CACNB1: variants seen among roughly 807,000 people sequenced by gnomAD.
CACNB1 encodes the protein calcium voltage-gated channel auxiliary subunit beta 1, also known as voltage-dependent L-type calcium channel subunit beta-1.
CACNB1 carries 29 observed loss-of-function variants against 71.6 expected under a neutral mutation model. The ratio of observed to expected loss-of-function variants is 0.40; its 90% CI spans 0.30 to 0.55. CACNB1 has a LOEUF of 0.55. CACNB1 is among the 20% of genes least tolerant of loss of function. The probability of loss-of-function intolerance (pLI) is 0.38; values close to 1 mark genes in which losing one functional copy is unlikely to be tolerated. For missense variants in CACNB1, 623 were observed against 801.8 expected (o/e 0.78, Z 2.69); for synonymous variants, 300 against 319.6 (o/e 0.94, Z 0.65).
At chr17:39,196,206 G>C (rs1005739804) in intron 1 of CACNB1, among the ~76,000 whole-genome samples, 2 of 152,066 alleles carry the variant, frequency 1.3e-5, no homozygotes, top group African/African-American at 4.8e-5. Context: ...GGGAGAGGAG[G>C]GCCCCTGGGG....
rs1419267071 is a variant in CACNB1 at position 39,186,616 on chromosome 17, G to A, written c.552-44C>T. ...ACCGAGCTTGTGAGCAAAGAGGTGG[G>A]CGTGGGGGGCTCTCATCCTCTCACA... On this transcript the variant is annotated intron_variant, in intron 5 of 13. Transcript: ENST00000394303. The surrounding 1 kb of genome is among the most constrained non-coding windows in gnomAD (Gnocchi z 4.1). The A allele has an allele frequency of 1.3e-6, 2 of 1,563,142 alleles. No homozygotes were observed. The highest frequency in any genetic ancestry group is 2.2e-5 in the East Asian group (1 of 44,584).
chr17:39,188,940 G>A (rs1597709196), intron 3 of CACNB1, among the ~76,000 whole-genome samples: 1 of 152,198 alleles, frequency 6.6e-6, no homozygotes, highest in Admixed American at 6.5e-5. Context: ...CTACTTGGGA[G>A]GCTGAGGCAG....
chr17:39,187,381 C>G, intron 4 of CACNB1, 98 bp downstream of exon 4: 1 of 1,396,230 alleles, frequency 7.2e-7, no homozygotes, highest in Non-Finnish European at 1.0e-6. Flanking sequence ...ACAGCAGATT[C>G]AGCCTGGCTC....
intron 1 of CACNB1, among the ~76,000 whole-genome samples, chr17:39,195,725 G>C (rs1027290540): frequency 2.6e-5 from 4 of 152,138 alleles, no homozygotes; most frequent in Non-Finnish European, 5.9e-5. Flanking sequence ...TCCTCCCCAA[G>C]GGGGCAAGAG....
At chr17:39,190,458 C>T (rs1422596849) in intron 3 of CACNB1, among the ~76,000 whole-genome samples, 4 of 152,056 alleles carry the variant, frequency 2.6e-5, no homozygotes, top group Admixed American at 6.6e-5. Flanking sequence ...GACAGAGTCT[C>T]GCTCTGTCAC....
At chr17:39,177,231 G>A (rs1001908701) in intron 13 of CACNB1, 119 bp downstream of exon 13, 8 of 1,565,688 alleles carry the variant, frequency 5.1e-6, no homozygotes, top group Admixed American at 1.8e-5. Flanking sequence ...GAGGGAAGAC[G>A]GGCAGGGCGC....
Position 39,188,537 on chromosome 17 carries a change from A to G in CACNB1, c.292-936T>C, listed in dbSNP as rs560447652. On this transcript the variant is annotated intron_variant, in intron 3 of 13. Transcript: ENST00000394303. ...TGCAGTGAGCCGAGATCATGCCACTATACTCCAGCATGGATGACAGAGTGA... is the reference window on the plus strand; with the variant it reads ...TGCAGTGAGCCGAGATCATGCCACTGTACTCCAGCATGGATGACAGAGTGA... Among the ~76,000 whole-genome samples the G allele has an allele frequency of 6.6e-5, 10 of 152,118 alleles. No individual in the cohort carries two copies. In the South Asian group the frequency reaches 1.7e-3, roughly 25 times the overall value.
intron 1 of CACNB1, 104 bp from the exon 2 acceptor site, chr17:39,195,074 C>A: frequency 1.4e-6 from 1 of 733,784 alleles, no homozygotes. Context: ...ACAGCACTCC[C>A]AGCCCCACCT....
rs2045936605 is a variant in CACNB1 at position 39,186,240 on chromosome 17, G to A, written c.628+256C>T. 6.8e-6 allele frequency: 5 copies of A among 732,372 alleles called. No individual in the cohort carries two copies. The highest frequency in any genetic ancestry group is 1.8e-5 in the African/African-American group (1 of 56,808). 45.4% of individuals were successfully genotyped at this position (732,372 alleles called of 1,614,324 possible). A position where few individuals can be genotyped will look rare whatever the true frequency, so the allele number is the denominator to read the frequency against. ...AAAGAAGAAGAGGTGAATGGAACAG[G>A]GCTGGGAGAAATGAATGGGGGCAGG... is the stretch of plus-strand genomic sequence containing the variant. On this transcript the variant is annotated intron_variant, in intron 6 of 13. Transcript: ENST00000394303. The surrounding 1 kb of genome is among the most constrained non-coding windows in gnomAD (Gnocchi z 4.1).
chr17:39,180,650 G>A (rs1165536721), intron 11 of CACNB1, among the ~76,000 whole-genome samples: 16 of 144,182 alleles, frequency 1.1e-4, no homozygotes, highest in Non-Finnish European at 1.9e-4. Flanking sequence ...GCGAGACTTC[G>A]TCCCCCCTCA....
At chr17:39,197,300 C>G (rs1223424164) in intron 1 of CACNB1, 112 bp downstream of exon 1, 2 of 620,306 alleles carry the variant, frequency 3.2e-6, no homozygotes, top group African/African-American at 3.9e-5. Flanking sequence ...AGGCATCCCT[C>G]TCTCCTCCGC....
chr17:39,183,755 C>A lies in CACNB1; in HGVS notation c.1008G>T (p.Ser336=), dbSNP rs532308568. The A allele has an allele frequency of 6.2e-7, 1 of 1,612,830 alleles. No individual in the cohort carries two copies. Among genetic ancestry groups the A allele is most frequent in the Non-Finnish European group, 8.5e-7 (1 of 1,179,440 alleles). Residue 336 remains serine, a synonymous_variant, in exon 11 of 14, where the codon TCG becomes TCT. Coordinates refer to ENST00000394303, the MANE Select transcript of CACNB1 (RefSeq NM_000723.5). ...TGATGTAAACAATGATGGGGGCCAG[C>A]GAGGTCTTGGACAGCTGGGCTGGGT... is the stretch of plus-strand genomic sequence containing the variant. The part of the protein sequence containing the change: ...INHPAQLSKT[S]LAPIIVYIKI...
intron 4 of CACNB1, chr17:39,187,175 T>C (rs2045961451): frequency 1.7e-6 from 1 of 601,052 alleles, no homozygotes; most frequent in East Asian, 2.8e-5. Context: ...AGAGTCCTTC[T>C]CCCCATGTGC....
rs569906143 is a variant in CACNB1 at position 39,175,945 on chromosome 17, G to A, written c.1333-288C>T. ...CAACAGCCGTGAGCCATGAGTCACC[G>A]CTTCCTCAGTGCAGGTCATTAATGC... On this transcript the variant is annotated intron_variant, in intron 13 of 13. Coordinates refer to ENST00000394303, the MANE Select transcript of CACNB1 (RefSeq NM_000723.5). The surrounding 1 kb of genome is among the most constrained non-coding windows in gnomAD (Gnocchi z 4.7). Among the ~76,000 whole-genome samples, 24 of 152,296 alleles carry A rather than the reference G, an allele frequency of 1.6e-4. No homozygotes were observed. The highest frequency in any genetic ancestry group is 5.8e-4 in the East Asian group (3 of 5,188).
chr17:39,177,347 T>C lies in CACNB1; in HGVS notation c.1332+3A>G, dbSNP rs2045608207. On this transcript the variant is annotated splice_donor_region_variant and intron_variant, in intron 13 of 13. Coordinates refer to ENST00000394303, the MANE Select transcript of CACNB1 (RefSeq NM_000723.5). Reference sequence around the variant, plus strand: ...TTCTCCTGAGCGAGGTGAGCACCTGTACCTGGAGGTTGGAGACAGGGGCAG... The same window carrying C: ...TTCTCCTGAGCGAGGTGAGCACCTGCACCTGGAGGTTGGAGACAGGGGCAG... The C allele has an allele frequency of 6.2e-7, 1 of 1,612,992 alleles. No individual in the cohort carries two copies. Among genetic ancestry groups the C allele is most frequent in the African/African-American group, 1.3e-5 (1 of 74,942 alleles).
Position 39,174,946 on chromosome 17 carries a change from G to C in CACNB1, c.*247C>G. The C allele has an allele frequency of 1.9e-6, 1 of 529,918 alleles. No homozygotes were observed. The highest frequency in any genetic ancestry group is 3.3e-6 in the Non-Finnish European group (1 of 300,022). 32.8% of individuals were successfully genotyped at this position (529,918 alleles called of 1,614,324 possible). ...AGAGCCCCTTAAGATGGGAGAAAGG[G>C]GACACTTCAGAAAGGTGGGTATCCC... On this transcript the variant is annotated 3_prime_UTR_variant, in exon 14 of 14. Coordinates refer to ENST00000394303, the MANE Select transcript of CACNB1 (RefSeq NM_000723.5).
intron 3 of CACNB1, among the ~76,000 whole-genome samples, chr17:39,191,158 CAT>C (rs2046069595): frequency 6.6e-6 from 1 of 152,048 alleles, no homozygotes. Flanking sequence ...GAGCCGAGAT[CAT>C]GCCACTGCAC....
At chr17:39,193,388 T>G in intron 2 of CACNB1, 1 of 405,576 alleles carries the variant, frequency 2.5e-6, no homozygotes, top group Non-Finnish European at 5.0e-6. Context: ...AAGGCTGCCC[T>G]CCGTCAGCTT....
intron 7 of CACNB1, 95 bp downstream of exon 7, chr17:39,185,036 G>A (rs978312066): frequency 1.7e-6 from 2 of 1,184,938 alleles, no homozygotes; most frequent in Admixed American, 3.4e-5. Context: ...GAAGGGTGGG[G>A]GAAATGGGGG....
Sources: allele counts gnomAD v4.1 joint callset (sites outside exome capture counted in the v4.1 genomes callset), GRCh38; gene constraint gnomAD v4.1.1; non-coding constraint Gnocchi (gnomAD v3.1); transcripts MANE v1.5; gene names NCBI Gene and HGNC (gene_info 2026-07-23, HGNC 2026-07-21).